Variants in GABRA2 observed in about 807,000 individuals in gnomAD.
GABRA2 encodes the protein gamma-aminobutyric acid type A receptor subunit alpha2.
A neutral mutation model predicts 48.7 loss-of-function variants in GABRA2; 16 were observed. The observed-to-expected ratio is 0.33, with a 90% confidence interval of 0.22 to 0.50. The LOEUF (loss-of-function observed/expected upper bound fraction) is 0.50. Ranked by LOEUF, GABRA2 falls within the 20% of genes least tolerant of loss-of-function variation. GABRA2 has a pLI of 0.98. For synonymous variants in GABRA2, 185 were observed against 184.5 expected, an observed-to-expected ratio of 1.00 and a Z score of -0.02; for missense variants, 275 against 535.6, an observed-to-expected ratio of 0.51 and a Z score of 4.80.
chr4:46,370,921 C>G (rs376805342), intron 3 of GABRA2, among the ~76,000 whole-genome samples: 2 of 151,960 alleles, frequency 1.3e-5, no homozygotes, highest in African/African-American at 4.8e-5. Context: ...CACACACACA[C>G]AAAACCACAG....
intron 3 of GABRA2, among the ~76,000 whole-genome samples, chr4:46,375,045 T>C (rs1476233237): frequency 1.3e-5 from 2 of 152,070 alleles, no homozygotes; most frequent in African/African-American, 2.4e-5. Context: ...GAAGGTGAAA[T>C]AGATTTAACT....
chr4:46,301,089 T>C (rs1725657391), intron 8 of GABRA2, among the ~76,000 whole-genome samples: 1 of 152,126 alleles, frequency 6.6e-6, no homozygotes, highest in African/African-American at 2.4e-5. Flanking sequence ...ATTGTCTTCT[T>C]AAAATTTGCA....
intron 3 of GABRA2, among the ~76,000 whole-genome samples, chr4:46,357,671 T>C (rs1017865350): frequency 6.0e-5 from 9 of 148,928 alleles, no homozygotes; most frequent in Admixed American, 2.7e-4. Context: ...TCTTTCTTTT[T>C]TTTTTTTTTT....
At chr4:46,267,298 G>A (rs193072292) in intron 8 of GABRA2, among the ~76,000 whole-genome samples, 2 of 152,040 alleles carry the variant, frequency 1.3e-5, no homozygotes, top group Non-Finnish European at 2.9e-5. Context: ...ATTTCTAATT[G>A]TTTCAATTTT....
chr4:46,290,379 C>T lies in GABRA2; in HGVS notation c.856+13081G>A, dbSNP rs76769861. 0.013 allele frequency among the ~76,000 whole-genome samples: 1,933 copies of T among 151,458 alleles called. 138 individuals carry two copies. In the East Asian group the frequency reaches 0.22, roughly 17 times the overall value. On this transcript the variant is annotated intron_variant, in intron 8 of 9. Transcript: ENST00000381620. ...TCTTTTGAGATTATTGCTGTTTTAA[C>T]AGTATTAAATCTTCCAATCTCTTAA... is the stretch of plus-strand genomic sequence containing the variant.
intron 3 of GABRA2, chr4:46,365,945 C>T (rs963292444): frequency 6.6e-6 from 1 of 152,038 alleles, no homozygotes; most frequent in African/African-American, 2.4e-5. Context: ...CATATTACTT[C>T]AATATCACTT....
At position 46,300,718 on chromosome 4, in the gene GABRA2, T is replaced by A. The variant is rs1308801174; in HGVS notation, c.856+2742A>T. 3.3e-5 allele frequency among the ~76,000 whole-genome samples: 5 copies of A among 152,182 alleles called. No individual in the cohort carries two copies. The East Asian group carries it at 7.7e-4, about 23-fold the overall frequency. On this transcript the variant is annotated intron_variant, in intron 8 of 9. Coordinates refer to ENST00000381620, the MANE Select transcript of GABRA2 (RefSeq NM_000807.4). ...TTAATAGCAACACTATCCACTTAAA[T>A]TATCCAAGAAAAATTCTACATGTTA...
At chr4:46,373,487 A>G (rs1324005009) in intron 3 of GABRA2, among the ~76,000 whole-genome samples, 1 of 152,196 alleles carries the variant, frequency 6.6e-6, no homozygotes, top group Non-Finnish European at 1.5e-5. Context: ...GAACAGTAAT[A>G]AGTCAACTTA....
intron 3 of GABRA2, among the ~76,000 whole-genome samples, chr4:46,356,422 T>C (rs1342741565): frequency 1.5e-5 from 2 of 129,136 alleles, no homozygotes; most frequent in Admixed American, 8.0e-5. Context: ...TCTGGGGATA[T>C]GGTAAACTCA....
chr4:46,369,771 T>C (rs1035061677), intron 3 of GABRA2, among the ~76,000 whole-genome samples: 4 of 152,098 alleles, frequency 2.6e-5, no homozygotes, highest in East Asian at 1.9e-4. Context: ...AGATGTATGA[T>C]AGAATTACAA....
chr4:46,355,715 T>A (rs958266620), intron 3 of GABRA2, among the ~76,000 whole-genome samples: 1 of 152,192 alleles, frequency 6.6e-6, no homozygotes, highest in African/African-American at 2.4e-5. Flanking sequence ...CACAACCTTA[T>A]CAGAGCTGGA....
chr4:46,369,549 GA>G (rs33988800), intron 3 of GABRA2, among the ~76,000 whole-genome samples: 82,531 of 151,438 alleles, frequency 0.54, 23,013 homozygotes, highest in African/African-American at 0.66. Flanking sequence ...ACTACAGGCT[GA>G]AAAAAAACAG....
chr4:46,344,857 A>G (rs763827858), intron 3 of GABRA2, among the ~76,000 whole-genome samples: 1 of 151,982 alleles, frequency 6.6e-6, no homozygotes, highest in Non-Finnish European at 1.5e-5. Flanking sequence ...ATATATGTAT[A>G]CATTCTTATT....
At chr4:46,266,717 T>TC (rs1162338722) in intron 8 of GABRA2, among the ~76,000 whole-genome samples, 3 of 115,740 alleles carry the variant, frequency 2.6e-5, no homozygotes, top group Non-Finnish European at 3.5e-5. Flanking sequence ...TCAAATATTC[T>TC]CTTTTTTTTT....
intron 9 of GABRA2, among the ~76,000 whole-genome samples, chr4:46,260,621 G>T (rs1352266815): frequency 6.6e-6 from 1 of 151,698 alleles, no homozygotes; most frequent in East Asian, 1.9e-4. Flanking sequence ...TAGTATAAAG[G>T]TGCATGTGTA....
intron 8 of GABRA2, among the ~76,000 whole-genome samples, chr4:46,297,588 A>G (rs1724993536): frequency 6.8e-6 from 1 of 146,946 alleles, no homozygotes; most frequent in East Asian, 2.0e-4. Flanking sequence ...ATCATTATTA[A>G]TAATCCCTAG....
intron 3 of GABRA2, among the ~76,000 whole-genome samples, chr4:46,385,112 C>T (rs1361240898): frequency 7.1e-6 from 1 of 141,570 alleles, no homozygotes; most frequent in Non-Finnish European, 1.6e-5. Context: ...TATATATAAA[C>T]AAAACTTATA....
chr4:46,309,708 G>T (rs755607887), intron 6 of GABRA2, among the ~76,000 whole-genome samples: 1 of 151,924 alleles, frequency 6.6e-6, no homozygotes, highest in Non-Finnish European at 1.5e-5. Context: ...TTTAATTTAA[G>T]AAATAAAAAA....
chr4:46,332,595 C>G lies in GABRA2; in HGVS notation c.255+20G>C. On this transcript the variant is annotated intron_variant, in intron 4 of 9. Coordinates refer to ENST00000381620, the MANE Select transcript of GABRA2 (RefSeq NM_000807.4). ...CTCCCCATTATGTGAAGTAAAAATA[C>G]TATTTAATGAAAAACTCACCATATC... 6.9e-7 allele frequency: 1 copy of G among 1,458,618 alleles called. No individual in the cohort carries two copies. Among genetic ancestry groups the G allele is most frequent in the Non-Finnish European group, 9.6e-7 (1 of 1,040,662 alleles). The allele number at this position is 1,458,618 out of a possible 1,614,324, so 90.4% of individuals were successfully genotyped here.
Sources: allele counts gnomAD v4.1 joint callset (sites outside exome capture counted in the v4.1 genomes callset), GRCh38; gene constraint gnomAD v4.1.1; transcripts MANE v1.5; gene names NCBI Gene and HGNC (gene_info 2026-07-23, HGNC 2026-07-21).